The following HSD17B12 variants were observed in gnomAD, a reference collection of about 807,000 sequenced individuals.
HSD17B12 encodes the protein very-long-chain 3-oxoacyl-CoA reductase.
HSD17B12 carries 32 observed loss-of-function variants against 39.3 expected under a neutral mutation model. The observed-to-expected ratio is 0.81, with a 90% CI of 0.61 to 1.09. The LOEUF (loss-of-function observed/expected upper bound fraction) is 1.09, where lower values mean the gene tolerates loss of function less well. Among genes scored for constraint, HSD17B12 ranks in the 50% least tolerant of loss-of-function variants. The pLI is 0.00. For synonymous variants in HSD17B12, 150 were observed against 146.7 expected (o/e 1.02, Z -0.16); for missense variants, 342 against 382.9 (o/e 0.89, Z 0.89).
chr11:43,774,573 C>G (rs1044776386), intron 3 of HSD17B12, among the ~76,000 whole-genome samples: 2 of 152,178 alleles, frequency 1.3e-5, no homozygotes, highest in East Asian at 3.8e-4. Flanking sequence ...GGTCCAACAA[C>G]CCATGGACCA....
chr11:43,731,764 C>T (rs1950269317), intron 1 of HSD17B12, among the ~76,000 whole-genome samples: 1 of 152,066 alleles, frequency 6.6e-6, no homozygotes, highest in Admixed American at 6.6e-5. Flanking sequence ...TATATATGTT[C>T]AGTAAGCTCT....
At chr11:43,570,599 C>T in the HSD17B12 span, among the ~76,000 whole-genome samples, 1 of 152,156 alleles carries the variant, frequency 6.6e-6, no homozygotes, top group Non-Finnish European at 1.5e-5. Flanking sequence ...CTATTGGTCC[C>T]TCTTTACCCA....
the HSD17B12 span, among the ~76,000 whole-genome samples, chr11:43,662,256 T>G: frequency 3.4e-5 from 5 of 148,886 alleles, no homozygotes; most frequent in East Asian, 1.0e-3. Flanking sequence ...TGGAGTGCAG[T>G]GGTGCAATCT....
At chr11:43,704,218 C>A (rs1949993016) in intron 1 of HSD17B12, among the ~76,000 whole-genome samples, 1 of 152,072 alleles carries the variant, frequency 6.6e-6, no homozygotes, top group African/African-American at 2.4e-5. Context: ...GGACTTAATT[C>A]CAGGAGATAA....
intron 3 of HSD17B12, among the ~76,000 whole-genome samples, chr11:43,775,716 T>C (rs1226098392): frequency 6.6e-6 from 1 of 151,662 alleles, no homozygotes; most frequent in African/African-American, 2.4e-5. Context: ...CACTAACTCG[T>C]CATCTAGCAT....
intron 9 of HSD17B12, chr11:43,853,498 T>G (rs1331010240): frequency 6.6e-6 from 1 of 152,178 alleles, no homozygotes; most frequent in Non-Finnish European, 1.5e-5. Context: ...TTAATGGAAG[T>G]GTCATTGGGC....
At chr11:43,717,860 A>G (rs1019548243) in intron 1 of HSD17B12, among the ~76,000 whole-genome samples, 2 of 145,730 alleles carry the variant, frequency 1.4e-5, no homozygotes, top group African/African-American at 5.1e-5. Context: ...GCTGGAGTGC[A>G]GTGGCACCAT....
the HSD17B12 span, among the ~76,000 whole-genome samples, chr11:43,671,872 C>T: frequency 3.9e-5 from 6 of 152,022 alleles, no homozygotes; most frequent in Admixed American, 3.9e-4. Context: ...CATATAATTC[C>T]GTGTGCTTTT....
chr11:43,811,432 A>G (rs1368049899), intron 4 of HSD17B12, among the ~76,000 whole-genome samples: 1 of 152,188 alleles, frequency 6.6e-6, no homozygotes, highest in African/African-American at 2.4e-5. Context: ...ACTTCACCTC[A>G]TAAAATTGGA....
At chr11:43,621,072 G>A in the HSD17B12 span, among the ~76,000 whole-genome samples, 1 of 152,178 alleles carries the variant, frequency 6.6e-6, no homozygotes, top group Non-Finnish European at 1.5e-5. Flanking sequence ...AAGGTTGGCT[G>A]CATCAGGGAG....
intron 1 of HSD17B12, among the ~76,000 whole-genome samples, chr11:43,704,394 G>A (rs763325949): frequency 7.9e-5 from 12 of 152,250 alleles, no homozygotes; most frequent in Middle Eastern, 3.4e-3. Context: ...GAACCTTGTA[G>A]GTTTGTGTTT....
intron 3 of HSD17B12, among the ~76,000 whole-genome samples, chr11:43,778,162 G>A (rs1437977238): frequency 1.3e-5 from 2 of 152,084 alleles, no homozygotes; most frequent in African/African-American, 2.4e-5. Flanking sequence ...TATCACCACC[G>A]ATCCCACAGA....
chr11:43,782,073 C>T (rs1478075371), intron 3 of HSD17B12, among the ~76,000 whole-genome samples: 2 of 152,144 alleles, frequency 1.3e-5, no homozygotes, highest in East Asian at 1.9e-4. Context: ...TTAGGCAAAG[C>T]GTGGAGTTGC....
chr11:43,790,165 A>G (rs1032479305), intron 3 of HSD17B12, among the ~76,000 whole-genome samples: 1 of 152,220 alleles, frequency 6.6e-6, no homozygotes. Context: ...ATAACATACA[A>G]TAATTTAAAG....
At chr11:43,834,805 G>C (rs6485473) in intron 7 of HSD17B12, among the ~76,000 whole-genome samples, 1 of 151,790 alleles carries the variant, frequency 6.6e-6, no homozygotes, top group African/African-American at 2.4e-5. Context: ...TGTCTGGCTT[G>C]TGGGAGGACT....
At chr11:43,644,418 G>T in the HSD17B12 span, 10 of 152,288 alleles carry the variant, frequency 6.6e-5, no homozygotes, top group African/African-American at 2.2e-4. Context: ...GGGATTTGCC[G>T]TCGTTATAGC....
At chr11:43,650,022 G>A in the HSD17B12 span, among the ~76,000 whole-genome samples, 4 of 152,170 alleles carry the variant, frequency 2.6e-5, no homozygotes, top group Admixed American at 6.5e-5. Flanking sequence ...TAGTTGTTAC[G>A]TAAATCAGAT....
At chr11:43,641,854 TAAAC>T in the HSD17B12 span, among the ~76,000 whole-genome samples, 5 of 151,920 alleles carry the variant, frequency 3.3e-5, no homozygotes, top group African/African-American at 1.2e-4. Context: ...TTAAATTGTC[TAAAC>T]AAACATTTTA....
intron 3 of HSD17B12, among the ~76,000 whole-genome samples, chr11:43,794,968 G>A (rs1950903498): frequency 6.6e-6 from 1 of 152,154 alleles, no homozygotes; most frequent in African/African-American, 2.4e-5. Flanking sequence ...CTTTGGTAAA[G>A]TGCTTATTCT....
Sources: gnomAD v4.1 joint callset for allele counts (sites outside exome capture counted in the v4.1 genomes callset) on GRCh38, gnomAD v4.1.1 for gene constraint, MANE v1.5 for transcripts, NCBI Gene and HGNC (gene_info 2026-07-23, HGNC 2026-07-21) for gene names.